HECTD2: variants seen among roughly 807,000 people sequenced by gnomAD.
The protein encoded by HECTD2 is probable E3 ubiquitin-protein ligase HECTD2.
In HECTD2, 35 loss-of-function variants were observed where a neutral mutation model predicts 103.2. That is an observed-to-expected ratio of 0.34 (90% CI 0.26 to 0.45). HECTD2 has a LOEUF of 0.45. HECTD2 is among the 20% of genes least tolerant of loss of function. HECTD2 has a pLI of 1.00. For synonymous variants in HECTD2, 281 were observed against 329.9 expected (o/e 0.85, Z 1.61); for missense variants, 596 against 937.4 (o/e 0.64, Z 4.76).
chr10:91,496,247 T>G lies in HECTD2; in HGVS notation c.1555T>G (p.Leu519Val). Residue 519 changes from leucine (L) to valine (V), a missense_variant, in exon 15 of 21, where the codon TTG becomes GTG. Coordinates refer to ENST00000298068, the MANE Select transcript of HECTD2 (RefSeq NM_182765.6). ...MGLAVYNSIT[L>V]DIRFPPCCYK... ...ACTAGCTGTTTATAACAGCATCACC[T>G]TGGATATTCGTTTCCCTCCCTGCTG... 6.2e-7 allele frequency: 1 copy of G among 1,612,992 alleles called. No homozygotes were observed. Among genetic ancestry groups the G allele is most frequent in the Non-Finnish European group, 8.5e-7 (1 of 1,179,206 alleles).
intron 6 of HECTD2, among the ~76,000 whole-genome samples, chr10:91,479,324 T>C (rs1478461259): frequency 6.6e-6 from 1 of 152,200 alleles, no homozygotes; most frequent in Non-Finnish European, 1.5e-5. Context: ...GTCTTTTTAG[T>C]TTCTATCTGT....
In HECTD2 at chr10:91,452,723, C is replaced by CAA. The variant is rs544111946; in HGVS notation, c.269-7696_269-7695dup. On this transcript the variant is annotated intron_variant, in intron 2 of 20. Transcript: ENST00000298068. The stretch of plus-strand genomic sequence containing the variant: ...AAGGCCTTCACCAGATGCAGCACCT[C>CAA]AAAAAAAAAGGCATTGAAATAACAG... Among the ~76,000 whole-genome samples the CAA allele has an allele frequency of 5.8e-3, 863 of 149,744 alleles. 4 individuals carry two copies. The highest frequency in any genetic ancestry group is 0.02 in the African/African-American group (828 of 40,878).
intron 1 of HECTD2, among the ~76,000 whole-genome samples, chr10:91,417,383 T>A (rs1459387025): frequency 2.0e-5 from 3 of 152,078 alleles, no homozygotes; most frequent in East Asian, 1.9e-4. Flanking sequence ...TCTTTTTTTT[T>A]ATTACACTTT....
chr10:91,416,755 C>G (rs1385116626), intron 1 of HECTD2, among the ~76,000 whole-genome samples: 3 of 152,172 alleles, frequency 2.0e-5, no homozygotes, highest in African/African-American at 7.2e-5. Flanking sequence ...TTGGTACTTT[C>G]CTTAACAGCC....
intron 15 of HECTD2, among the ~76,000 whole-genome samples, chr10:91,496,907 ATTTTTAAATCT>A (rs1216680131): frequency 1.3e-5 from 2 of 151,624 alleles, no homozygotes; most frequent in African/African-American, 2.4e-5. Context: ...CAATTTTTCT[ATTTTTAAATCT>A]TTATTTATGG....
intron 20 of HECTD2, among the ~76,000 whole-genome samples, chr10:91,505,180 A>T (rs1196731738): frequency 1.3e-5 from 2 of 152,040 alleles, no homozygotes; most frequent in Admixed American, 6.5e-5. Flanking sequence ...GCCAAAATGT[A>T]AAGACCATCG....
At chr10:91,437,942 A>G (rs1386973372) in intron 2 of HECTD2, among the ~76,000 whole-genome samples, 2 of 152,144 alleles carry the variant, frequency 1.3e-5, no homozygotes, top group East Asian at 3.9e-4. Context: ...TGATTGTGAC[A>G]AAACACTTTT....
chr10:91,440,560 A>C (rs1446176948), intron 2 of HECTD2, among the ~76,000 whole-genome samples: 2 of 146,680 alleles, frequency 1.4e-5, no homozygotes, highest in Non-Finnish European at 3.0e-5. Flanking sequence ...TGTCTCCGCC[A>C]GGTTTTGGTA....
At chr10:91,480,602 A>T (rs1354296158) in intron 6 of HECTD2, among the ~76,000 whole-genome samples, 1 of 152,072 alleles carries the variant, frequency 6.6e-6, no homozygotes, top group Non-Finnish European at 1.5e-5. Flanking sequence ...TCATATTAAG[A>T]TGGAAAAAAT....
At chr10:91,496,659 T>C (rs1017856629) in intron 15 of HECTD2, among the ~76,000 whole-genome samples, 1 of 152,142 alleles carries the variant, frequency 6.6e-6, no homozygotes, top group African/African-American at 2.4e-5. Flanking sequence ...TCAATTTAGT[T>C]TCTTTATGTG....
chr10:91,417,050 TGAA>T (rs1386281210), intron 1 of HECTD2, among the ~76,000 whole-genome samples: 6 of 152,322 alleles, frequency 3.9e-5, no homozygotes, highest in South Asian at 2.1e-4. Flanking sequence ...TAGTTAAAGT[TGAA>T]GAAGAGTAGA....
At chr10:91,450,152 G>A (rs1390453549) in intron 2 of HECTD2, among the ~76,000 whole-genome samples, 1 of 152,104 alleles carries the variant, frequency 6.6e-6, no homozygotes. Flanking sequence ...AACCAGAATA[G>A]CACAGTACTG....
intron 2 of HECTD2, among the ~76,000 whole-genome samples, chr10:91,452,245 A>G (rs1343356901): frequency 2.0e-5 from 3 of 152,156 alleles, no homozygotes; most frequent in East Asian, 1.9e-4. Flanking sequence ...AAAATTTTCT[A>G]CATTTGGTGA....
At chr10:91,458,822 A>G (rs1845222831) in intron 2 of HECTD2, among the ~76,000 whole-genome samples, 1 of 152,012 alleles carries the variant, frequency 6.6e-6, no homozygotes, top group African/African-American at 2.4e-5. Context: ...AGAACTAGAA[A>G]ATAGTTCTTA....
chr10:91,493,526 C>T lies in HECTD2; in HGVS notation c.1521+18C>T. On this transcript the variant is annotated intron_variant, in intron 14 of 20. Coordinates refer to ENST00000298068, the MANE Select transcript of HECTD2 (RefSeq NM_182765.6). ...TTGGAATTGTATCCTTTAAACTTTC[C>T]ACTAGGAGGTGCTAATAGATTAGAG... is the stretch of plus-strand genomic sequence containing the variant. The T allele has an allele frequency of 7.8e-7, 1 of 1,278,686 alleles. No homozygotes were observed. 79.2% of individuals were successfully genotyped at this position (1,278,686 alleles called of 1,614,324 possible).
At chr10:91,429,244 G>C (rs965165491) in intron 2 of HECTD2, among the ~76,000 whole-genome samples, 1 of 152,114 alleles carries the variant, frequency 6.6e-6, no homozygotes, top group African/African-American at 2.4e-5. Context: ...GATCATGGTG[G>C]AGAAGCTTTT....
At chr10:91,410,284 A>AGGCGCG (rs572073107), upstream of HECTD2, 126 of 212,970 alleles carry the variant, frequency 5.9e-4, no homozygotes, top group South Asian at 0.012. Flanking sequence ...TCGCGCGCAA[A>AGGCGCG]GGCGCGGGCG....
chr10:91,421,683 G>A (rs1302458455), intron 1 of HECTD2, among the ~76,000 whole-genome samples: 1 of 152,102 alleles, frequency 6.6e-6, no homozygotes, highest in Admixed American at 6.6e-5. Flanking sequence ...TTCATCATGC[G>A]AAGCATACTT....
At position 91,441,886 on chromosome 10, in the gene HECTD2, C is replaced by CTT. The variant is rs765691512; in HGVS notation, c.268+16496_268+16497dup. On this transcript the variant is annotated intron_variant, in intron 2 of 20. Transcript: ENST00000298068. ...TCAGAGACTAGGATTGCAACCCTTGCTTTTTTTTTTTTTTTTTTTTTCTTT... is the reference window on the plus strand; with the variant it reads ...TCAGAGACTAGGATTGCAACCCTTGCTTTTTTTTTTTTTTTTTTTTTTTCTTT... 9.9e-4 allele frequency among the ~76,000 whole-genome samples: 81 copies of CTT among 81,950 alleles called. 2 individuals are homozygous for CTT. The highest frequency in any genetic ancestry group is 1.8e-3 in the African/African-American group (31 of 17,174). 53.8% of individuals were successfully genotyped at this position (81,950 alleles called of 152,430 possible). A position where few individuals can be genotyped will look rare whatever the true frequency, so the allele number is the denominator to read the frequency against.
Sources: gnomAD v4.1 joint callset for allele counts (sites outside exome capture counted in the v4.1 genomes callset) on GRCh38, gnomAD v4.1.1 for gene constraint, MANE v1.5 for transcripts, NCBI Gene and HGNC (gene_info 2026-07-23, HGNC 2026-07-21) for gene names.